ANGPTL1: variants seen among roughly 807,000 people sequenced by gnomAD.
ANGPTL1 encodes angiopoietin like 1.
Under a neutral mutation model 46.7 loss-of-function variants are expected in ANGPTL1, and 36 were observed. The observed-to-expected ratio is 0.77, with a 90% CI of 0.59 to 1.02. The LOEUF is 1.02. ANGPTL1 is among the 50% of genes least tolerant of loss of function. ANGPTL1 has a pLI of 0.00. For synonymous variants in ANGPTL1, 221 were observed against 204.3 expected (o/e 1.08, Z -0.69); for missense variants, 571 against 594.7 (o/e 0.96, Z 0.41).
Position 178,870,969 on chromosome 1 carries a change from G to T in ANGPTL1, c.-365C>A, listed in dbSNP as rs1658721181. 6.6e-6 allele frequency: 1 copy of T among 152,126 alleles called. No individual in the cohort carries two copies. Among genetic ancestry groups the T allele is most frequent in the Non-Finnish European group, 1.5e-5 (1 of 68,034 alleles). The allele number at this position is 152,126 out of a possible 1,614,324, so 9.4% of individuals were successfully genotyped here. A position where few individuals can be genotyped will look rare whatever the true frequency, so the allele number is the denominator to read the frequency against. ...TTTAAGTAGTATAGTGGAAGTTCTG[G>T]TCTGTGGGCCGTCTTTAATCCAGCA... On this transcript the variant is annotated 5_prime_UTR_variant, in exon 1 of 6. Transcript: ENST00000234816.
intron 3 of ANGPTL1, among the ~76,000 whole-genome samples, chr1:178,862,397 A>T (rs1284706342): frequency 6.6e-6 from 1 of 152,136 alleles, no homozygotes; most frequent in African/African-American, 2.4e-5. Context: ...ACCATCTACC[A>T]GGAAGGAGCT....
chr1:178,851,287 AGCCTCCTTT>A lies in ANGPTL1; in HGVS notation c.1309_1317del (p.Lys437_Gly439del), dbSNP rs777700653. The A allele has an allele frequency of 1.2e-6, 2 of 1,611,656 alleles. No homozygotes were observed. The highest frequency in any genetic ancestry group is 1.7e-6 in the Non-Finnish European group (2 of 1,179,268). On this transcript the variant is annotated inframe_deletion, in exon 6 of 6. Coordinates refer to ENST00000234816, the MANE Select transcript of ANGPTL1 (RefSeq NM_004673.4). ...GAATGTGCACAGGCATTGTACCACCAGCCTCCTTTATGAAAGTGGGCGCAGTTTCCTTTG... is the reference window on the plus strand; with the variant it reads ...GAATGTGCACAGGCATTGTACCACCAATGAAAGTGGGCGCAGTTTCCTTTG...
intron 3 of ANGPTL1, among the ~76,000 whole-genome samples, chr1:178,862,593 T>A (rs367570831): frequency 0.04 from 5,677 of 140,716 alleles, 412 homozygotes; most frequent in African/African-American, 0.14. Flanking sequence ...GTTGCATTTT[T>A]TTTATTTATT....
chr1:178,851,782 C>T (rs1228594595), intron 5 of ANGPTL1, among the ~76,000 whole-genome samples: 2 of 152,042 alleles, frequency 1.3e-5, no homozygotes, highest in Non-Finnish European at 2.9e-5. Flanking sequence ...CCTCTTTTCT[C>T]GTTTACCAGT....
Position 178,852,902 on chromosome 1 carries a change from AGAT to A in ANGPTL1, c.1066_1068del (p.Ile356del), listed in dbSNP as rs1410505454. 3 of 1,613,688 alleles carry A rather than the reference AGAT, an allele frequency of 1.9e-6. No individual in the cohort carries two copies. The Admixed American group carries it at 5.0e-5, about 27-fold the overall frequency. ...TAATTATCTTGATTGCTAAGCATAT[AGAT>A]ATTTTCCAGTCCAAGCCAGTATTCT... On this transcript the variant is annotated inframe_deletion, in exon 5 of 6. Coordinates refer to ENST00000234816, the MANE Select transcript of ANGPTL1 (RefSeq NM_004673.4).
At chr1:178,855,163 A>G (rs2102302452) in intron 3 of ANGPTL1, among the ~76,000 whole-genome samples, 1 of 152,178 alleles carries the variant, frequency 6.6e-6, no homozygotes, top group African/African-American at 2.4e-5. Context: ...ACTTTGCCAG[A>G]TATGTACAGT....
At chr1:178,866,268 A>G (rs1357317253) in intron 2 of ANGPTL1, among the ~76,000 whole-genome samples, 1 of 152,224 alleles carries the variant, frequency 6.6e-6, no homozygotes, top group African/African-American at 2.4e-5. Flanking sequence ...TTTACTAGCC[A>G]ATGTTTTAGA....
chr1:178,870,959 G>A lies in ANGPTL1; in HGVS notation c.-355C>T, dbSNP rs1189865335. 3 of 152,158 alleles carry A rather than the reference G, an allele frequency of 2.0e-5. No individual in the cohort carries two copies. Among genetic ancestry groups the A allele is most frequent in the East Asian group, 1.9e-4 (1 of 5,200 alleles). 9.4% of individuals were successfully genotyped at this position (152,158 alleles called of 1,614,324 possible). Reference sequence around the variant, plus strand: ...CCTATGTAATTTTAAGTAGTATAGTGGAAGTTCTGGTCTGTGGGCCGTCTT... The same window carrying A: ...CCTATGTAATTTTAAGTAGTATAGTAGAAGTTCTGGTCTGTGGGCCGTCTT... On this transcript the variant is annotated 5_prime_UTR_variant, in exon 1 of 6. Coordinates refer to ENST00000234816, the MANE Select transcript of ANGPTL1 (RefSeq NM_004673.4).
intron 3 of ANGPTL1, among the ~76,000 whole-genome samples, chr1:178,861,798 A>T (rs1217661138): frequency 6.6e-6 from 1 of 152,076 alleles, no homozygotes; most frequent in African/African-American, 2.4e-5. Context: ...TCTGTTTTTT[A>T]TTTCTATACC....
intron 1 of ANGPTL1, among the ~76,000 whole-genome samples, chr1:178,869,886 A>G (rs1270177697): frequency 6.6e-6 from 1 of 152,078 alleles, no homozygotes; most frequent in South Asian, 2.1e-4. Flanking sequence ...AAGCTCCCAG[A>G]TAGAATATTG....
At position 178,851,472 on chromosome 1, in the gene ANGPTL1, G is replaced by T. The variant is rs182012358; in HGVS notation, c.1289-156C>A. Among the ~76,000 whole-genome samples, 19 of 152,182 alleles carry T rather than the reference G, an allele frequency of 1.2e-4. No homozygotes were observed. In the East Asian group the frequency reaches 3.1e-3, roughly 25 times the overall value. On this transcript the variant is annotated intron_variant, in intron 5 of 5. Coordinates refer to ENST00000234816, the MANE Select transcript of ANGPTL1 (RefSeq NM_004673.4). ...TTTAAATGCCTTCACTTACTTGATG[G>T]CTGTTGCATCAACTGCTTGAAAAAT...
intron 3 of ANGPTL1, among the ~76,000 whole-genome samples, chr1:178,860,884 A>G (rs78513193): frequency 0.025 from 3,738 of 152,308 alleles, 151 homozygotes; most frequent in African/African-American, 0.085. Flanking sequence ...GCAAGCACCT[A>G]AACAGCCTGA....
intron 3 of ANGPTL1, among the ~76,000 whole-genome samples, chr1:178,856,200 GAGATAT>G (rs1190162862): frequency 5.4e-4 from 22 of 40,932 alleles, no homozygotes; most frequent in African/African-American, 1.8e-3. Flanking sequence ...CAGAGAGAGA[GAGATAT>G]ATATATATAT....
rs374533557 is a variant in ANGPTL1, at chr1:178,865,246, C to T, written c.531G>A (p.Val177=). The T allele has an allele frequency of 1.4e-5, 22 of 1,614,004 alleles. No homozygotes were observed. In the African/African-American group the frequency reaches 2.7e-4, roughly 20 times the overall value. ...CAAGATCAGTCAAGGAAGCGTATTT[C>T]ACCTCTAGTTCCCTGTATCTTGTTG... ...KMATRYRELE[V]KYASLTDLVN... The change falls in exon 3 of 6, where the codon GTG becomes GTA. Residue 177 remains valine, a synonymous_variant. Transcript: ENST00000234816.
intron 2 of ANGPTL1, 38 bp from the exon 3 acceptor site, chr1:178,865,840 AAG>A (rs1431351868): frequency 3.2e-6 from 4 of 1,237,656 alleles, no homozygotes; most frequent in Non-Finnish European, 4.5e-6. Context: ...AAAAAGCAAA[AAG>A]AATTCATATT....
chr1:178,861,356 G>T (rs190617845), intron 3 of ANGPTL1, among the ~76,000 whole-genome samples: 2 of 152,034 alleles, frequency 1.3e-5, no homozygotes, highest in Non-Finnish European at 2.9e-5. Context: ...ACTGGGGATA[G>T]GTACACCATG....
At chr1:178,861,735 A>G (rs548362306) in intron 3 of ANGPTL1, among the ~76,000 whole-genome samples, 7 of 152,242 alleles carry the variant, frequency 4.6e-5, no homozygotes, top group Non-Finnish European at 7.3e-5. Context: ...GATAAATTAT[A>G]TAAAAGCTTA....
intron 3 of ANGPTL1, among the ~76,000 whole-genome samples, chr1:178,863,487 A>G (rs1047302389): frequency 1.3e-5 from 2 of 152,254 alleles, no homozygotes; most frequent in African/African-American, 4.8e-5. Context: ...GTTTGAATCT[A>G]GGAAGTCATA....
chr1:178,865,552 G>C lies in ANGPTL1; in HGVS notation c.225C>G (p.Thr75=). 1 of 1,614,046 alleles carries C rather than the reference G, an allele frequency of 6.2e-7. No individual in the cohort carries two copies. The change falls in exon 3 of 6, where the codon ACC becomes ACG. Residue 75 remains threonine, a synonymous_variant. Coordinates refer to ENST00000234816, the MANE Select transcript of ANGPTL1 (RefSeq NM_004673.4). Reference sequence around the variant, plus strand: ...CCATCCTGGTGATCATGTCTTTAATGGTACTTGCATCTTGCCCCTTGGTGT... The same window carrying C: ...CCATCCTGGTGATCATGTCTTTAATCGTACTTGCATCTTGCCCCTTGGTGT... The part of the protein sequence containing the change: ...CVNTKGQDAS[T]IKDMITRMDL...
Sources: gnomAD v4.1 joint callset for allele counts (sites outside exome capture counted in the v4.1 genomes callset) on GRCh38, gnomAD v4.1.1 for gene constraint, MANE v1.5 for transcripts, NCBI Gene and HGNC (gene_info 2026-07-23, HGNC 2026-07-21) for gene names.